The following ADGRB3 variants were observed in gnomAD, a reference collection of about 807,000 sequenced individuals.
ADGRB3 encodes the protein brain-specific angiogenesis inhibitor 3.
In ADGRB3, 37 loss-of-function variants were observed where a neutral mutation model predicts 193.4. That is an observed-to-expected ratio of 0.19 (90% confidence interval 0.15 to 0.25). ADGRB3 has a LOEUF of 0.25. Among genes scored for constraint, ADGRB3 ranks in the 10% least tolerant of loss-of-function variants. ADGRB3 has a pLI of 1.00. For missense variants in ADGRB3, 1,637 were observed against 1,852.9 expected (o/e 0.88, Z 2.14); for synonymous variants, 690 against 644.2 (o/e 1.07, Z -1.08).
chr6:68,845,830 T>C (rs1047656364), intron 3 of ADGRB3, among the ~76,000 whole-genome samples: 1 of 152,140 alleles, frequency 6.6e-6, no homozygotes, highest in Non-Finnish European at 1.5e-5. Flanking sequence ...AGTAAATTTA[T>C]ACCAGTAGAG....
intron 17 of ADGRB3, among the ~76,000 whole-genome samples, chr6:69,112,153 T>C (rs1228490911): frequency 1.3e-5 from 2 of 152,106 alleles, no homozygotes; most frequent in Non-Finnish European, 2.9e-5. Flanking sequence ...AGACAGGAGG[T>C]AGCGCTGGTC....
chr6:68,977,456 T>G (rs993704414), intron 10 of ADGRB3, among the ~76,000 whole-genome samples: 1 of 152,194 alleles, frequency 6.6e-6, no homozygotes, highest in African/African-American at 2.4e-5. Flanking sequence ...GTATCACTTT[T>G]GTTGCAGAAA....
At chr6:68,874,430 A>G (rs1350666846) in intron 3 of ADGRB3, among the ~76,000 whole-genome samples, 1 of 152,146 alleles carries the variant, frequency 6.6e-6, no homozygotes, top group Non-Finnish European at 1.5e-5. Flanking sequence ...AACACACTTT[A>G]AAACATTCTT....
intron 17 of ADGRB3, among the ~76,000 whole-genome samples, chr6:69,157,700 TAA>T (rs35319098): frequency 1.9e-4 from 26 of 138,236 alleles, no homozygotes; most frequent in Admixed American, 2.2e-4. Context: ...TATCTCTCTG[TAA>T]AAAAAAAAAA....
chr6:68,730,012 C>T (rs1395401994), intron 3 of ADGRB3, among the ~76,000 whole-genome samples: 5 of 151,268 alleles, frequency 3.3e-5, no homozygotes, highest in African/African-American at 9.7e-5. Flanking sequence ...GGAAATAAGG[C>T]TGTATTTTAT....
At chr6:68,964,068 C>T (rs1361511407) in intron 8 of ADGRB3, among the ~76,000 whole-genome samples, 2 of 152,110 alleles carry the variant, frequency 1.3e-5, no homozygotes, top group African/African-American at 4.8e-5. Context: ...TAGTGTCTTA[C>T]ATTTCATGGC....
At chr6:68,658,745 G>A (rs1304597068) in intron 3 of ADGRB3, among the ~76,000 whole-genome samples, 14 of 150,840 alleles carry the variant, frequency 9.3e-5, no homozygotes, top group Non-Finnish European at 8.9e-5. Flanking sequence ...AGGTTACAGG[G>A]GCATAGATGT....
chr6:68,937,018 A>G (rs1241575750), intron 5 of ADGRB3, among the ~76,000 whole-genome samples: 1 of 152,208 alleles, frequency 6.6e-6, no homozygotes, highest in East Asian at 1.9e-4. Context: ...TAATCTGCCT[A>G]CATACTAAAA....
chr6:68,639,999 C>G (rs940951368), intron 3 of ADGRB3, among the ~76,000 whole-genome samples: 2 of 152,146 alleles, frequency 1.3e-5, no homozygotes, highest in Admixed American at 6.5e-5. Context: ...GGTGTACCCC[C>G]CTTCTCCCCT....
At chr6:69,280,769 G>A (rs1767417356) in intron 20 of ADGRB3, among the ~76,000 whole-genome samples, 1 of 152,010 alleles carries the variant, frequency 6.6e-6, no homozygotes, top group Admixed American at 6.6e-5. Flanking sequence ...CAAAGACAAA[G>A]CTATCCTGTA....
chr6:68,758,200 A>G (rs150012368), intron 3 of ADGRB3, among the ~76,000 whole-genome samples: 2 of 152,108 alleles, frequency 1.3e-5, no homozygotes, highest in Non-Finnish European at 2.9e-5. Flanking sequence ...ATTAATGTTT[A>G]ACACATTTTT....
At chr6:69,258,199 GA>G (rs1263120165) in intron 20 of ADGRB3, among the ~76,000 whole-genome samples, 2 of 151,880 alleles carry the variant, frequency 1.3e-5, no homozygotes, top group Non-Finnish European at 2.9e-5. Context: ...TATAAGAAAA[GA>G]AAAAAATTCC....
intron 17 of ADGRB3, among the ~76,000 whole-genome samples, chr6:69,098,397 C>A (rs1251708864): frequency 6.6e-6 from 1 of 152,178 alleles, no homozygotes; most frequent in Non-Finnish European, 1.5e-5. Flanking sequence ...GGGCTCCCAA[C>A]TAATGACTAC....
chr6:68,909,010 T>A (rs1766625481), intron 3 of ADGRB3, among the ~76,000 whole-genome samples: 1 of 152,180 alleles, frequency 6.6e-6, no homozygotes, highest in Non-Finnish European at 1.5e-5. Context: ...GTCAATATCC[T>A]ATTTGGGATG....
chr6:68,638,957 C>G lies in ADGRB3; in HGVS notation c.282C>G (p.Ser94=). ...TGGCTTATCAGTTTGATCATTTTTC[C>G]CATGAAAAAATAAAGGATCTTTTAA... The part of the protein sequence containing the change: ...SLLAYQFDHF[S]HEKIKDLLRK... Residue 94 remains serine, a synonymous_variant, in exon 3 of 32, where the codon TCC becomes TCG. Coordinates refer to ENST00000370598, the MANE Select transcript of ADGRB3 (RefSeq NM_001704.3). 1 of 1,613,798 alleles carries G rather than the reference C, an allele frequency of 6.2e-7. No homozygotes were observed.
At chr6:69,258,889 G>A (rs983519889) in intron 20 of ADGRB3, among the ~76,000 whole-genome samples, 10 of 152,092 alleles carry the variant, frequency 6.6e-5, no homozygotes, top group Admixed American at 1.3e-4. Context: ...TAGACATCTC[G>A]TTAGTTAAGA....
chr6:69,052,219 T>A (rs1052856222), intron 15 of ADGRB3, among the ~76,000 whole-genome samples: 4 of 152,274 alleles, frequency 2.6e-5, no homozygotes, highest in African/African-American at 9.6e-5. Context: ...ATATCGTATA[T>A]AAGACATCTT....
At chr6:68,662,878 A>G (rs564985419) in intron 3 of ADGRB3, among the ~76,000 whole-genome samples, 1 of 151,188 alleles carries the variant, frequency 6.6e-6, no homozygotes, top group African/African-American at 2.4e-5. Flanking sequence ...GAAAATGGGA[A>G]GACAAAAAAA....
At chr6:68,728,335 A>G (rs1324441905) in intron 3 of ADGRB3, among the ~76,000 whole-genome samples, 1 of 151,384 alleles carries the variant, frequency 6.6e-6, no homozygotes, top group Non-Finnish European at 1.5e-5. Context: ...ATCTAGATTT[A>G]TGTATGCAAA....
Sources: allele counts gnomAD v4.1 joint callset (sites outside exome capture counted in the v4.1 genomes callset), GRCh38; gene constraint gnomAD v4.1.1; transcripts MANE v1.5; gene names NCBI Gene and HGNC (gene_info 2026-07-23, HGNC 2026-07-21).